The following HEMK2 variants were observed in gnomAD, a reference collection of about 807,000 sequenced individuals.
HEMK2 encodes methyltransferase HEMK2.
At chr21:28,662,506 C>G in the HEMK2 span, among the ~76,000 whole-genome samples, 2 of 152,104 alleles carry the variant, frequency 1.3e-5, no homozygotes, top group Non-Finnish European at 1.5e-5. Context: ...AACCCAAAAC[C>G]AACTAATATG....
the HEMK2 span, among the ~76,000 whole-genome samples, chr21:28,795,928 G>A: frequency 2.0e-5 from 3 of 152,252 alleles, no homozygotes; most frequent in East Asian, 5.8e-4. Flanking sequence ...CAGTTTGACT[G>A]TTTAAAGGTT....
chr21:28,651,018 T>C, the HEMK2 span, among the ~76,000 whole-genome samples: 1 of 152,172 alleles, frequency 6.6e-6, no homozygotes, highest in Non-Finnish European at 1.5e-5. Flanking sequence ...TCAAAAATAT[T>C]GTCAAGAGGA....
the HEMK2 span, among the ~76,000 whole-genome samples, chr21:28,597,502 T>G: frequency 6.6e-6 from 1 of 152,206 alleles, no homozygotes; most frequent in Admixed American, 6.5e-5. Context: ...TTTCTGGTAG[T>G]TTTGAGGGAA....
At chr21:28,798,904 T>A in the HEMK2 span, among the ~76,000 whole-genome samples, 1 of 152,172 alleles carries the variant, frequency 6.6e-6, no homozygotes, top group Admixed American at 6.5e-5. Flanking sequence ...TGCATCCCTA[T>A]CCCTCATCAG....
chr21:28,681,169 A>G, the HEMK2 span, among the ~76,000 whole-genome samples: 1 of 152,196 alleles, frequency 6.6e-6, no homozygotes. Context: ...TCTCAGCCCA[A>G]AATCTCCTTA....
At chr21:28,578,747 G>C in the HEMK2 span, among the ~76,000 whole-genome samples, 4 of 152,164 alleles carry the variant, frequency 2.6e-5, no homozygotes, top group Non-Finnish European at 5.9e-5. Context: ...TCCATGGGAG[G>C]AAAGTGAGGA....
chr21:28,839,010 T>TACAC, the HEMK2 span, among the ~76,000 whole-genome samples: 23 of 72,270 alleles, frequency 3.2e-4, no homozygotes, highest in African/African-American at 1.6e-3. Context: ...TACATATATA[T>TACAC]ACACAATCTG....
At chr21:28,806,451 G>A in the HEMK2 span, among the ~76,000 whole-genome samples, 2 of 152,102 alleles carry the variant, frequency 1.3e-5, no homozygotes, top group East Asian at 1.9e-4. Context: ...AAAATATGTT[G>A]AAATCCTAAC....
At chr21:28,593,306 CATT>C in the HEMK2 span, among the ~76,000 whole-genome samples, 1 of 152,184 alleles carries the variant, frequency 6.6e-6, no homozygotes, top group Non-Finnish European at 1.5e-5. Context: ...CAAGGTATCT[CATT>C]ATGTGCATGC....
the HEMK2 span, among the ~76,000 whole-genome samples, chr21:28,784,072 C>A: frequency 6.6e-6 from 1 of 152,190 alleles, no homozygotes; most frequent in Non-Finnish European, 1.5e-5. Context: ...GCCTGAGCCT[C>A]CCCGACGAGC....
At chr21:28,690,070 G>A in the HEMK2 span, among the ~76,000 whole-genome samples, 6 of 152,216 alleles carry the variant, frequency 3.9e-5, no homozygotes, top group Middle Eastern at 0.01. Context: ...CTTACACAGC[G>A]GCAGGCAAGA....
At chr21:28,674,552 T>C in the HEMK2 span, 2 of 152,200 alleles carry the variant, frequency 1.3e-5, no homozygotes, top group African/African-American at 2.4e-5. Context: ...TGGAGTTAAA[T>C]GGAAGGCTCA....
At chr21:28,641,632 A>G in the HEMK2 span, among the ~76,000 whole-genome samples, 33 of 152,374 alleles carry the variant, frequency 2.2e-4, no homozygotes, top group African/African-American at 7.7e-4. Context: ...GACACCCAGC[A>G]AAACATAACT....
At chr21:28,846,360 T>C in the HEMK2 span, among the ~76,000 whole-genome samples, 1 of 152,224 alleles carries the variant, frequency 6.6e-6, no homozygotes, top group Non-Finnish European at 1.5e-5. Context: ...TTAAATTCTT[T>C]GAGAAATCTC....
the HEMK2 span, among the ~76,000 whole-genome samples, chr21:28,756,720 T>C: frequency 6.6e-6 from 1 of 152,214 alleles, no homozygotes; most frequent in Non-Finnish European, 1.5e-5. Context: ...AAAACAATAG[T>C]ACTAATGGTT....
At chr21:28,774,730 T>C in the HEMK2 span, among the ~76,000 whole-genome samples, 9 of 152,238 alleles carry the variant, frequency 5.9e-5, no homozygotes, top group African/African-American at 2.2e-4. Flanking sequence ...CCAAGGTCAC[T>C]AAGAGTAGAA....
the HEMK2 span, among the ~76,000 whole-genome samples, chr21:28,718,913 T>G: frequency 1.3e-5 from 2 of 152,186 alleles, no homozygotes; most frequent in Admixed American, 1.3e-4. Context: ...TCAATGATTG[T>G]GCACAGCAAG....
chr21:28,665,371 C>CTT, the HEMK2 span, among the ~76,000 whole-genome samples: 2 of 15,912 alleles, frequency 1.3e-4, no homozygotes, highest in African/African-American at 7.0e-4. Context: ...TTTTAATTTT[C>CTT]TTTTTTTTTT....
At chr21:28,878,206 T>C in the HEMK2 span, 2 of 1,585,254 alleles carry the variant, frequency 1.3e-6, no homozygotes, top group Non-Finnish European at 1.7e-6. Flanking sequence ...GTTGTTTTCT[T>C]TAATGGTAAC....
Sources: allele counts gnomAD v4.1 joint callset (sites outside exome capture counted in the v4.1 genomes callset), GRCh38; gene constraint gnomAD v4.1.1; transcripts MANE v1.5; gene names NCBI Gene and HGNC (gene_info 2026-07-23, HGNC 2026-07-21).